RYR2: variants seen among roughly 807,000 people sequenced by gnomAD.
RYR2 encodes ryanodine receptor 2.
A neutral mutation model predicts 601.1 loss-of-function variants in RYR2; 227 were observed. That is an observed-to-expected ratio of 0.38 (90% CI 0.34 to 0.42). The LOEUF (loss-of-function observed/expected upper bound fraction) is 0.42, where lower values mean the gene tolerates loss of function less well. Ranked by LOEUF, RYR2 falls within the 10% of genes least tolerant of loss-of-function variation. RYR2 has a pLI of 1.00. For missense variants in RYR2, 4,646 were observed against 6,156.5 expected (o/e 0.75, Z 8.21); for synonymous variants, 2,223 against 2,175.1 (o/e 1.02, Z -0.61).
chr1:237,214,188 TG>T (rs941857309), intron 1 of RYR2, among the ~76,000 whole-genome samples: 13 of 152,164 alleles, frequency 8.5e-5, no homozygotes, highest in African/African-American at 3.1e-4. Context: ...TCCAAAGTGC[TG>T]GGATTACAGG....
chr1:237,296,888 T>G (rs1252866574), intron 2 of RYR2, among the ~76,000 whole-genome samples: 2 of 152,190 alleles, frequency 1.3e-5, no homozygotes, highest in African/African-American at 4.8e-5. Flanking sequence ...CTAAATAAAC[T>G]GAAACAATGG....
intron 2 of RYR2, among the ~76,000 whole-genome samples, chr1:237,313,636 T>C (rs1694794491): frequency 6.6e-6 from 1 of 152,214 alleles, no homozygotes; most frequent in Non-Finnish European, 1.5e-5. Flanking sequence ...TTCTAATGTC[T>C]AGAACTGTTA....
At chr1:237,328,243 T>A (rs751020290) in intron 2 of RYR2, among the ~76,000 whole-genome samples, 16 of 152,334 alleles carry the variant, frequency 1.1e-4, no homozygotes, top group Non-Finnish European at 2.2e-4. Context: ...TTTAAATGGA[T>A]ATAAATGAAA....
At position 237,388,298 on chromosome 1, in the gene RYR2, A is replaced by G. The variant is rs1213650886; in HGVS notation, c.773+115A>G. ...TAGCATCATACAAGATGGGCTACTGACATTCATTGATTCACTGAAGTGATC... is the reference window on the plus strand; with the variant it reads ...TAGCATCATACAAGATGGGCTACTGGCATTCATTGATTCACTGAAGTGATC... On this transcript the variant is annotated intron_variant, in intron 10 of 104. Transcript: ENST00000366574. 3 of 796,698 alleles carry G rather than the reference A, an allele frequency of 3.8e-6. No individual in the cohort carries two copies. In the African/African-American group the frequency reaches 5.3e-5, roughly 14 times the overall value. 49.4% of individuals were successfully genotyped at this position (796,698 alleles called of 1,614,324 possible).
chr1:237,758,500 G>A (rs1460403854), intron 82 of RYR2, among the ~76,000 whole-genome samples: 1 of 152,150 alleles, frequency 6.6e-6, no homozygotes, highest in Non-Finnish European at 1.5e-5. Flanking sequence ...ATGTGTGTCT[G>A]TGTATCTGTG....
Position 237,655,804 on chromosome 1 carries a change from TCCTCCA to T in RYR2, c.7966-16_7966-11del, listed in dbSNP as rs1307384678. The T allele has an allele frequency of 6.4e-7, 1 of 1,564,640 alleles. No homozygotes were observed. Among genetic ancestry groups the T allele is most frequent in the Non-Finnish European group, 8.6e-7 (1 of 1,157,868 alleles). Reference sequence around the variant, plus strand: ...GCCATATAGTAATTTTTTTTTTTGGTCCTCCATTTTTCCCAGAAATATGAACAAGAA... The same window carrying T: ...GCCATATAGTAATTTTTTTTTTTGGTTTTTTCCCAGAAATATGAACAAGAA... On this transcript the variant is annotated splice_polypyrimidine_tract_variant and intron_variant, in intron 52 of 104. Coordinates refer to ENST00000366574, the MANE Select transcript of RYR2 (RefSeq NM_001035.3).
chr1:237,425,002 A>G (rs1705999463), intron 12 of RYR2, among the ~76,000 whole-genome samples: 1 of 152,188 alleles, frequency 6.6e-6, no homozygotes, highest in African/African-American at 2.4e-5. Flanking sequence ...TACTCTTAAT[A>G]ATGTATTTCA....
At chr1:237,791,817 A>T in intron 93 of RYR2, 1 of 572,342 alleles carries the variant, frequency 1.7e-6, no homozygotes. Context: ...ATACCGTATT[A>T]TATTACATTC....
intron 1 of RYR2, among the ~76,000 whole-genome samples, chr1:237,056,785 T>C (rs1321807116): frequency 2.2e-5 from 3 of 133,496 alleles, no homozygotes; most frequent in African/African-American, 5.6e-5. Context: ...AGAGACTGCA[T>C]CTGTGAAGAC....
At chr1:237,274,482 T>C (rs1386627637) in intron 2 of RYR2, among the ~76,000 whole-genome samples, 1 of 152,128 alleles carries the variant, frequency 6.6e-6, no homozygotes, top group Non-Finnish European at 1.5e-5. Context: ...CATACAGCTG[T>C]GTTTGTATTT....
At chr1:237,667,849 T>C in intron 57 of RYR2, 34 bp from the exon 58 acceptor site, 2 of 1,467,810 alleles carry the variant, frequency 1.4e-6, no homozygotes, top group Non-Finnish European at 9.3e-7. Context: ...CCTTTTTTAC[T>C]TATTGAAACG....
chr1:237,579,111 A>G (rs1673597909), intron 29 of RYR2, among the ~76,000 whole-genome samples: 1 of 152,324 alleles, frequency 6.6e-6, no homozygotes, highest in East Asian at 1.9e-4. Flanking sequence ...CTTCTAGTTC[A>G]TTTATGATCT....
chr1:237,167,090 A>G (rs1405673047), intron 1 of RYR2, among the ~76,000 whole-genome samples: 1 of 152,170 alleles, frequency 6.6e-6, no homozygotes, highest in Admixed American at 6.5e-5. Flanking sequence ...AAGCTTTTTT[A>G]TTTGATTTTG....
intron 2 of RYR2, among the ~76,000 whole-genome samples, chr1:237,294,693 T>G (rs1343157774): frequency 6.6e-6 from 1 of 152,178 alleles, no homozygotes; most frequent in Non-Finnish European, 1.5e-5. Flanking sequence ...TCAAAATATA[T>G]AAATTATTCA....
intron 63 of RYR2, among the ~76,000 whole-genome samples, chr1:237,692,350 C>T (rs570557020): frequency 3.0e-4 from 46 of 152,216 alleles, no homozygotes; most frequent in Non-Finnish European, 4.6e-4. Flanking sequence ...AGCATACTGA[C>T]CATTCTCTCT....
chr1:237,053,362 C>G (rs770668162), intron 1 of RYR2, among the ~76,000 whole-genome samples: 1 of 152,156 alleles, frequency 6.6e-6, no homozygotes, highest in Admixed American at 6.5e-5. Context: ...GTCAGAGAAG[C>G]GTAAAAACTT....
intron 3 of RYR2, among the ~76,000 whole-genome samples, chr1:237,331,512 C>CTTTTTTTTTTTTTTTTTTTTT (rs1460724250): frequency 9.3e-5 from 14 of 150,740 alleles, no homozygotes; most frequent in African/African-American, 3.4e-4. Flanking sequence ...TTTTTCTTTT[C>CTTTTTTTTTTTTTTTTTTTTT]TTTTTTTTGA....
intron 12 of RYR2, among the ~76,000 whole-genome samples, chr1:237,424,015 G>C (rs554606265): frequency 6.6e-6 from 1 of 152,038 alleles, no homozygotes; most frequent in Non-Finnish European, 1.5e-5. Flanking sequence ...AGGAGAAAGC[G>C]TCAAACACTT....
intron 96 of RYR2, among the ~76,000 whole-genome samples, chr1:237,796,468 T>C (rs1278849035): frequency 6.6e-6 from 1 of 152,160 alleles, no homozygotes; most frequent in Non-Finnish European, 1.5e-5. Context: ...GTGAGAATAA[T>C]GCAAAACAAA....
Sources: allele counts gnomAD v4.1 joint callset (sites outside exome capture counted in the v4.1 genomes callset), GRCh38; gene constraint gnomAD v4.1.1; transcripts MANE v1.5; gene names NCBI Gene and HGNC (gene_info 2026-07-23, HGNC 2026-07-21).